Variants in RMP64 observed in about 807,000 individuals in gnomAD.
RMP64 encodes ribonuclease MRP subunit p64, also known as nucleolus and neural progenitor protein.
At chr3:113,013,470 T>G in the RMP64 span, 13 of 1,386,940 alleles carry the variant, frequency 9.4e-6, no homozygotes, top group African/African-American at 3.0e-5. Flanking sequence ...TTGTTTTTTT[T>G]TTTTTTACAT....
At chr3:113,009,518 T>C in the RMP64 span, 1 of 152,226 alleles carries the variant, frequency 6.6e-6, no homozygotes, top group Non-Finnish European at 1.5e-5. Flanking sequence ...GTGCACAGGC[T>C]GCAGAAGTTT....
the RMP64 span, chr3:113,013,101 C>T: frequency 2.9e-6 from 2 of 685,342 alleles, no homozygotes; most frequent in Non-Finnish European, 5.0e-6. Context: ...CAGTCTCTGG[C>T]AATGGCTGCA....
At chr3:113,005,974 CG>C in the RMP64 span, 1 of 1,613,006 alleles carries the variant, frequency 6.2e-7, no homozygotes, top group South Asian at 1.1e-5. Context: ...TGCAAATAGA[CG>C]TTTTTATGCA....
the RMP64 span, chr3:113,014,065 T>C: frequency 2.9e-6 from 4 of 1,359,084 alleles, no homozygotes; most frequent in Admixed American, 1.7e-5. Context: ...AATTCATGTG[T>C]ATGTAATGCA....
At chr3:113,005,894 TTATTCTG>T in the RMP64 span, 1 of 1,613,822 alleles carries the variant, frequency 6.2e-7, no homozygotes. Context: ...CCGTAAAAAT[TTATTCTG>T]TGATCTTCTC....
At chr3:113,009,519 G>A in the RMP64 span, 1 of 152,178 alleles carries the variant, frequency 6.6e-6, no homozygotes, top group Non-Finnish European at 1.5e-5. Flanking sequence ...TGCACAGGCT[G>A]CAGAAGTTTC....
the RMP64 span, chr3:113,015,048 G>A: frequency 1.3e-5 from 2 of 152,068 alleles, no homozygotes; most frequent in African/African-American, 2.4e-5. Context: ...CCATAACCTT[G>A]GTTCAATTTC....
the RMP64 span, among the ~76,000 whole-genome samples, chr3:113,009,091 A>C: frequency 6.6e-6 from 1 of 152,200 alleles, no homozygotes; most frequent in African/African-American, 2.4e-5. Flanking sequence ...TAATCAGTTA[A>C]TGCCTGCTGA....
chr3:113,013,155 A>C, the RMP64 span: 1 of 1,155,686 alleles, frequency 8.7e-7, no homozygotes, highest in South Asian at 1.4e-5. Flanking sequence ...CAAAAGTTTA[A>C]GAATTCCTGT....
At chr3:113,008,535 T>C in the RMP64 span, 1 of 949,398 alleles carries the variant, frequency 1.1e-6, no homozygotes, top group Non-Finnish European at 1.6e-6. Flanking sequence ...AAATTAGAAT[T>C]ATCAGTCCCT....
At chr3:113,018,191 A>T in the RMP64 span, among the ~76,000 whole-genome samples, 1 of 152,230 alleles carries the variant, frequency 6.6e-6, no homozygotes, top group Admixed American at 6.5e-5. Context: ...GAAAATCTGT[A>T]GAAGTCCCTA....
chr3:113,013,876 G>C, the RMP64 span: 2 of 1,050,908 alleles, frequency 1.9e-6, no homozygotes, highest in Admixed American at 3.5e-5. Context: ...AGCAAGCATA[G>C]AGAAATCCAA....
chr3:113,010,473 T>C, the RMP64 span: 1 of 594,746 alleles, frequency 1.7e-6, no homozygotes, highest in Admixed American at 3.2e-5. Context: ...TAACTAGATG[T>C]ATTAAAAATC....
the RMP64 span, among the ~76,000 whole-genome samples, chr3:113,018,536 T>C: frequency 6.6e-6 from 1 of 152,294 alleles, no homozygotes; most frequent in African/African-American, 2.4e-5. Context: ...TATTTTGTTG[T>C]TCTGTTCTGT....
the RMP64 span, among the ~76,000 whole-genome samples, chr3:113,018,073 A>C: frequency 6.6e-6 from 1 of 152,234 alleles, no homozygotes; most frequent in Non-Finnish European, 1.5e-5. Context: ...TTTGGATATC[A>C]CTTTATGAGA....
chr3:113,012,358 T>G, the RMP64 span, among the ~76,000 whole-genome samples: 1 of 152,222 alleles, frequency 6.6e-6, no homozygotes, highest in Non-Finnish European at 1.5e-5. Context: ...GCAATATGAC[T>G]ACTACCAACA....
chr3:113,013,197 A>C, the RMP64 span: 3 of 1,537,358 alleles, frequency 2.0e-6, no homozygotes, highest in Admixed American at 3.6e-5. Context: ...GTTAGCTTTC[A>C]AACAAAAATA....
the RMP64 span, chr3:113,019,220 G>C: frequency 3.1e-5 from 11 of 357,648 alleles, no homozygotes; most frequent in African/African-American, 2.2e-4. Context: ...GGTGAGCAAG[G>C]GTTCCCAGGC....
At chr3:113,007,130 T>C in the RMP64 span, among the ~76,000 whole-genome samples, 1 of 152,130 alleles carries the variant, frequency 6.6e-6, no homozygotes, top group Non-Finnish European at 1.5e-5. Context: ...AGAATGCTTC[T>C]CTCCATCTCA....
Sources: gnomAD v4.1 joint callset for allele counts (sites outside exome capture counted in the v4.1 genomes callset) on GRCh38, gnomAD v4.1.1 for gene constraint, MANE v1.5 for transcripts, NCBI Gene and HGNC (gene_info 2026-07-23, HGNC 2026-07-21) for gene names.